Variants in BANK1 observed in about 807,000 individuals in gnomAD.
BANK1 encodes B-cell scaffold protein with ankyrin repeats.
In BANK1, 95 loss-of-function variants were observed where a neutral mutation model predicts 94.5. That is an observed-to-expected ratio of 1.00 (90% CI 0.85 to 1.19). The LOEUF (loss-of-function observed/expected upper bound fraction) is 1.19, where lower values mean the gene tolerates loss of function less well. Among genes scored for constraint, BANK1 ranks in the 50% most tolerant of loss-of-function variants. BANK1 has a pLI of 0.00. For missense variants in BANK1, 987 were observed against 932.2 expected (o/e 1.06, Z -0.77); for synonymous variants, 334 against 308.4 (o/e 1.08, Z -0.87).
At chr4:101,886,985 T>G (rs1259078178) in intron 5 of BANK1, among the ~76,000 whole-genome samples, 1 of 152,206 alleles carries the variant, frequency 6.6e-6, no homozygotes, top group Non-Finnish European at 1.5e-5. Context: ...TTTCCTCCCT[T>G]GAAGCTAGGT....
chr4:101,901,389 G>A (rs994593712), intron 6 of BANK1, among the ~76,000 whole-genome samples: 20 of 152,164 alleles, frequency 1.3e-4, no homozygotes, highest in African/African-American at 4.8e-4. Flanking sequence ...CGTAGAACAG[G>A]TCTATGTAAA....
chr4:101,815,681 A>G (rs1725887842), intron 1 of BANK1, among the ~76,000 whole-genome samples: 1 of 152,108 alleles, frequency 6.6e-6, no homozygotes, highest in Admixed American at 6.6e-5. Context: ...AGGTTTTAAA[A>G]TGTATTTTAA....
chr4:101,812,972 A>G (rs1194586931), intron 1 of BANK1, among the ~76,000 whole-genome samples: 4 of 152,136 alleles, frequency 2.6e-5, no homozygotes, highest in Non-Finnish European at 5.9e-5. Flanking sequence ...TAATAGTAAA[A>G]AAGTAATCTT....
At chr4:101,875,557 C>A (rs1728459572) in intron 5 of BANK1, among the ~76,000 whole-genome samples, 1 of 152,196 alleles carries the variant, frequency 6.6e-6, no homozygotes, top group Non-Finnish European at 1.5e-5. Flanking sequence ...CACTCACTAT[C>A]ATGGGAACAG....
chr4:101,794,760 T>C (rs1415648695), intron 1 of BANK1, among the ~76,000 whole-genome samples: 4 of 152,170 alleles, frequency 2.6e-5, no homozygotes, highest in African/African-American at 9.6e-5. Flanking sequence ...AATCTCTTTG[T>C]TGTTTCTAAG....
In BANK1 at chr4:101,798,511, T is replaced by C. The variant is rs568475035; in HGVS notation, c.70+7561T>C. Among the ~76,000 whole-genome samples, 1,110 of 152,322 alleles carry C rather than the reference T, an allele frequency of 7.3e-3. 23 individuals are homozygous for C. Among genetic ancestry groups the C allele is most frequent in the African/African-American group, 0.025 (1,046 of 41,588 alleles). On this transcript the variant is annotated intron_variant, in intron 1 of 16. Coordinates refer to ENST00000322953, the MANE Select transcript of BANK1 (RefSeq NM_017935.5). ...CTGTCTCTTCAAATGGTATTTCTAG[T>C]TCTAGATCCTTGAGGAATCGCCATA...
At chr4:101,859,793 G>A (rs112249061) in intron 3 of BANK1, among the ~76,000 whole-genome samples, 4,957 of 152,142 alleles carry the variant, frequency 0.033, 284 homozygotes, top group African/African-American at 0.11. Context: ...ATGTTTTTAC[G>A]TGAATAATTT....
chr4:101,891,675 A>G (rs1253757135), intron 5 of BANK1, among the ~76,000 whole-genome samples: 1 of 151,918 alleles, frequency 6.6e-6, no homozygotes, highest in East Asian at 1.9e-4. Flanking sequence ...TATTACTTTC[A>G]GTGTATTTTC....
At chr4:101,932,787 T>C (rs1413008752) in intron 7 of BANK1, among the ~76,000 whole-genome samples, 1 of 151,538 alleles carries the variant, frequency 6.6e-6, no homozygotes, top group Non-Finnish European at 1.5e-5. Flanking sequence ...AGGTGCTCTT[T>C]TCAACAAACC....
At chr4:102,018,818 T>TC (rs372798037) in intron 7 of BANK1, among the ~76,000 whole-genome samples, 1 of 140,110 alleles carries the variant, frequency 7.1e-6, no homozygotes, top group South Asian at 2.1e-4. Context: ...TTTCTTTCTT[T>TC]CCTTTTTTTT....
At chr4:101,889,049 G>A (rs1473314247) in intron 5 of BANK1, among the ~76,000 whole-genome samples, 1 of 152,242 alleles carries the variant, frequency 6.6e-6, no homozygotes, top group East Asian at 1.9e-4. Context: ...TATTTGGGGG[G>A]ATCGTTAGTA....
At chr4:102,010,668 C>T (rs1259597712) in intron 7 of BANK1, among the ~76,000 whole-genome samples, 3 of 152,158 alleles carry the variant, frequency 2.0e-5, no homozygotes, top group Non-Finnish European at 4.4e-5. Flanking sequence ...CCTGGGATTA[C>T]AGGCATGAGC....
chr4:101,983,631 A>G (rs1317545198), intron 7 of BANK1, among the ~76,000 whole-genome samples: 2 of 152,130 alleles, frequency 1.3e-5, no homozygotes, highest in Non-Finnish European at 2.9e-5. Context: ...TAGTATTCAC[A>G]GATATTTAAA....
chr4:101,801,652 TTGAG>T (rs1578324644), intron 1 of BANK1, among the ~76,000 whole-genome samples: 1 of 152,214 alleles, frequency 6.6e-6, no homozygotes, highest in East Asian at 1.9e-4. Flanking sequence ...TCTCTTGAAA[TTGAG>T]TGTTTTTCAT....
chr4:102,004,190 C>G (rs1726172006), intron 7 of BANK1, among the ~76,000 whole-genome samples: 1 of 152,070 alleles, frequency 6.6e-6, no homozygotes, highest in South Asian at 2.1e-4. Flanking sequence ...ATCCTTATTA[C>G]CAAGAGCATT....
At chr4:101,832,158 C>T (rs1428091951) in intron 2 of BANK1, among the ~76,000 whole-genome samples, 1 of 152,224 alleles carries the variant, frequency 6.6e-6, no homozygotes, top group Non-Finnish European at 1.5e-5. Flanking sequence ...ATTGCTCTTG[C>T]TCTTCTGTCT....
At chr4:101,886,636 A>G (rs943542845) in intron 5 of BANK1, among the ~76,000 whole-genome samples, 4 of 152,182 alleles carry the variant, frequency 2.6e-5, no homozygotes, top group African/African-American at 9.6e-5. Flanking sequence ...TAATGCCTAC[A>G]ATAGAAACAC....
intron 1 of BANK1, among the ~76,000 whole-genome samples, chr4:101,795,500 A>G (rs571006572): frequency 4.6e-5 from 7 of 152,126 alleles, no homozygotes; most frequent in Non-Finnish European, 8.8e-5. Context: ...ATTGTAGAAT[A>G]TTTATTGTTA....
intron 7 of BANK1, among the ~76,000 whole-genome samples, chr4:101,935,280 A>G (rs1723491121): frequency 6.6e-6 from 1 of 151,592 alleles, no homozygotes; most frequent in Non-Finnish European, 1.5e-5. Flanking sequence ...TTATAAGAAA[A>G]GTTCTTAAGT....
Sources: gnomAD v4.1 joint callset for allele counts (sites outside exome capture counted in the v4.1 genomes callset) on GRCh38, gnomAD v4.1.1 for gene constraint, MANE v1.5 for transcripts, NCBI Gene and HGNC (gene_info 2026-07-23, HGNC 2026-07-21) for gene names.